Variants in CAPZA1 observed in about 807,000 individuals in gnomAD.
CAPZA1 encodes the protein capping actin protein of muscle Z-line subunit alpha 1, also known as F-actin-capping protein subunit alpha-1.
In CAPZA1, 10 loss-of-function variants were observed where a neutral mutation model predicts 40.8. The ratio of observed to expected loss-of-function variants is 0.25; its 90% confidence interval spans 0.15 to 0.42. CAPZA1 has a LOEUF of 0.42. Among genes scored for constraint, CAPZA1 ranks in the 10% least tolerant of loss-of-function variants. The pLI is 1.00. For synonymous variants in CAPZA1, 98 were observed against 115.0 expected, an observed-to-expected ratio of 0.85 and a Z score of 0.95; for missense variants, 277 against 353.8, an observed-to-expected ratio of 0.78 and a Z score of 1.74.
intron 1 of CAPZA1, among the ~76,000 whole-genome samples, chr1:112,639,074 T>C (rs1197924024): frequency 2.0e-5 from 3 of 147,252 alleles, no homozygotes; most frequent in South Asian, 2.1e-4. Context: ...TGTGTTCAAA[T>C]AGTGAAAAAT....
At chr1:112,637,088 G>T (rs188843042) in intron 1 of CAPZA1, among the ~76,000 whole-genome samples, 63 of 152,250 alleles carry the variant, frequency 4.1e-4, no homozygotes, top group African/African-American at 1.4e-3. Context: ...TTTTAATACT[G>T]CATGATATAG....
chr1:112,640,662 C>T (rs558615143), intron 1 of CAPZA1, among the ~76,000 whole-genome samples: 104 of 152,274 alleles, frequency 6.8e-4, no homozygotes, highest in African/African-American at 2.4e-3. Context: ...CTCTGCCCGG[C>T]CGCCCCTGCT....
intron 1 of CAPZA1, among the ~76,000 whole-genome samples, chr1:112,635,960 C>T (rs1201933213): frequency 3.9e-5 from 6 of 152,098 alleles, no homozygotes; most frequent in African/African-American, 1.2e-4. Context: ...ACCCGGGAGG[C>T]GGAGGTTGCA....
chr1:112,663,039 A>G (rs112926768), intron 7 of CAPZA1, among the ~76,000 whole-genome samples: 3,371 of 152,144 alleles, frequency 0.022, 48 homozygotes, highest in African/African-American at 0.039. Context: ...ACCTTGGCTC[A>G]TTGCAACGTC....
chr1:112,666,006 T>A (rs1444860731), intron 7 of CAPZA1, among the ~76,000 whole-genome samples: 1 of 152,192 alleles, frequency 6.6e-6, no homozygotes, highest in Non-Finnish European at 1.5e-5. Context: ...AACATCTGCA[T>A]TCTTTTTTTT....
chr1:112,647,667 G>A (rs1206164074), intron 2 of CAPZA1, among the ~76,000 whole-genome samples: 1 of 152,140 alleles, frequency 6.6e-6, no homozygotes, highest in Non-Finnish European at 1.5e-5. Context: ...GGCCAGTGGG[G>A]CTGAACGGAC....
intron 1 of CAPZA1, among the ~76,000 whole-genome samples, chr1:112,632,079 C>T (rs368243289): frequency 2.6e-5 from 4 of 152,074 alleles, no homozygotes; most frequent in Admixed American, 6.5e-5. Flanking sequence ...TCAAGGCGGG[C>T]GGATCACCTG....
rs1305279849 is a variant in CAPZA1 at position 112,654,655 on chromosome 1, C to G, written c.410C>G (p.Ser137Cys). 1 of 1,610,396 alleles carries G rather than the reference C, an allele frequency of 6.2e-7. No individual in the cohort carries two copies. The change falls in exon 5 of 10, where the codon TCC (serine) becomes TGC (cysteine). Residue 137 changes from serine (S) to cysteine (C), a missense_variant. Ser to Cys is a moderately radical substitution (Grantham distance 112). Coordinates refer to ENST00000263168, the MANE Select transcript of CAPZA1 (RefSeq NM_006135.3). ...ALRAYVKDHYSNGFCTVYAKT... is the reference protein window; with the variant it reads ...ALRAYVKDHYCNGFCTVYAKT... ...AGAGCCTATGTGAAAGACCATTATT[C>G]CAACGGCTTCTGTACTGTTAAGTAT...
intron 1 of CAPZA1, among the ~76,000 whole-genome samples, chr1:112,624,436 C>A (rs1036020434): frequency 1.3e-5 from 2 of 151,820 alleles, no homozygotes; most frequent in African/African-American, 4.8e-5. Flanking sequence ...CGGTGAAACC[C>A]TGTCTCTATT....
At chr1:112,642,451 G>A (rs1412781218) in intron 1 of CAPZA1, among the ~76,000 whole-genome samples, 12 of 151,690 alleles carry the variant, frequency 7.9e-5, no homozygotes, top group Admixed American at 2.0e-4. Flanking sequence ...TCCTGACCTC[G>A]TGATCTGCCC....
At chr1:112,647,393 A>C (rs543095804) in intron 2 of CAPZA1, 120 bp downstream of exon 2, 1 of 524,000 alleles carries the variant, frequency 1.9e-6, no homozygotes, top group South Asian at 5.9e-5. Flanking sequence ...GATTCAAAAA[A>C]ATTGAAATAA....
chr1:112,647,807 G>A (rs1231451685), intron 2 of CAPZA1, among the ~76,000 whole-genome samples: 2 of 152,150 alleles, frequency 1.3e-5, no homozygotes, highest in African/African-American at 4.8e-5. Context: ...ATTCTGAATC[G>A]CAGCAGGTTG....
intron 1 of CAPZA1, among the ~76,000 whole-genome samples, chr1:112,626,505 C>T (rs774568056): frequency 1.3e-5 from 2 of 152,016 alleles, no homozygotes; most frequent in Non-Finnish European, 2.9e-5. Context: ...TGTCTTCCAC[C>T]CACCCAGTTT....
At chr1:112,659,269 T>C (rs1557736577) in intron 6 of CAPZA1, 168 bp downstream of exon 6, 1 of 591,566 alleles carries the variant, frequency 1.7e-6, no homozygotes, top group African/African-American at 1.9e-5. Context: ...ATAATTATAT[T>C]TTCCTTTAAA....
chr1:112,621,325 C>T (rs946807605), intron 1 of CAPZA1, among the ~76,000 whole-genome samples: 8 of 151,330 alleles, frequency 5.3e-5, no homozygotes, highest in African/African-American at 1.9e-4. Flanking sequence ...TCGCTCGGCT[C>T]ACTGCAACTT....
chr1:112,658,338 T>G (rs1311816203), intron 5 of CAPZA1, among the ~76,000 whole-genome samples: 1 of 152,164 alleles, frequency 6.6e-6, no homozygotes, highest in Non-Finnish European at 1.5e-5. Flanking sequence ...AGTTCCTTCT[T>G]TCCTTTGCCC....
intron 2 of CAPZA1, among the ~76,000 whole-genome samples, chr1:112,647,555 A>G (rs1277114523): frequency 6.6e-6 from 1 of 152,230 alleles, no homozygotes; most frequent in Non-Finnish European, 1.5e-5. Context: ...TAGAAACAAT[A>G]CTAAATTATT....
chr1:112,656,440 ATTTTTTT>A (rs56343358), intron 5 of CAPZA1, among the ~76,000 whole-genome samples: 13 of 45,768 alleles, frequency 2.8e-4, no homozygotes, highest in East Asian at 1.4e-3. Context: ...ATTATGTTTG[ATTTTTTT>A]TTTTTTTTTT....
At chr1:112,640,145 A>G (rs1220924990) in intron 1 of CAPZA1, among the ~76,000 whole-genome samples, 560 of 45,708 alleles carry the variant, frequency 0.012, no homozygotes, top group Admixed American at 0.02. Flanking sequence ...AGGTGGGGGG[A>G]TCAGCCCCCC....
Sources: allele counts gnomAD v4.1 joint callset (sites outside exome capture counted in the v4.1 genomes callset), GRCh38; gene constraint gnomAD v4.1.1; transcripts MANE v1.5; gene names NCBI Gene and HGNC (gene_info 2026-07-23, HGNC 2026-07-21).